RPS27A: variants seen among roughly 807,000 people sequenced by gnomAD.
RPS27A encodes the protein ubiquitin-ribosomal protein eS31 fusion protein.
A neutral mutation model predicts 18.9 loss-of-function variants in RPS27A; 1 was observed. That is an observed-to-expected ratio of 0.05 (90% CI 0.02 to 0.25). The LOEUF (loss-of-function observed/expected upper bound fraction) is 0.25, where lower values mean the gene tolerates loss of function less well. Among genes scored for constraint, RPS27A ranks in the 10% least tolerant of loss-of-function variants. The probability of loss-of-function intolerance (pLI) is 1.00; values close to 1 mark genes in which losing one functional copy is unlikely to be tolerated. For missense variants in RPS27A, 123 were observed against 187.4 expected (o/e 0.66, Z 2.01); for synonymous variants, 77 against 63.7 (o/e 1.21, Z -0.99).
At chr2:55,233,514 G>T in intron 3 of RPS27A, 97 bp downstream of exon 3, 2 of 852,184 alleles carry the variant, frequency 2.3e-6, no homozygotes. Flanking sequence ...GGGGGAAGGG[G>T]TCAGATTGAC....
intron 4 of RPS27A, chr2:55,234,573 A>G: frequency 1.8e-6 from 1 of 568,684 alleles, no homozygotes; most frequent in Non-Finnish European, 3.1e-6. Context: ...TAACTCCTAT[A>G]CTGATACTTG....
Position 55,232,856 on chromosome 2 carries a change from A to G in RPS27A, c.32A>G (p.Lys11Arg). 1 of 1,613,272 alleles carries G rather than the reference A, an allele frequency of 6.2e-7. No individual in the cohort carries two copies. Among genetic ancestry groups the G allele is most frequent in the Non-Finnish European group, 8.5e-7 (1 of 1,179,710 alleles). ...ATTTTCGTGAAAACCCTTACGGGGA[A>G]GACCATCACCCTCGAGGTACGGGCC... MQIFVKTLTG[K>R]TITLEVEPSD... is the part of the protein sequence containing the mutation. The change falls in exon 2 of 6, where the codon AAG becomes AGG. Residue 11 changes from lysine (K) to arginine (R), a missense_variant. Around this residue, in one of 2 missense-constraint regions of RPS27A, gnomAD observed 66 missense variants for 72.6 expected, o/e 0.91. Transcript: ENST00000272317.
chr2:55,233,279 G>A (rs1339831523), intron 2 of RPS27A, 84 bp from the exon 3 acceptor site: 11 of 1,174,720 alleles, frequency 9.4e-6, no homozygotes, highest in Middle Eastern at 1.9e-4. Flanking sequence ...CGCTGGTTCG[G>A]TTCAGTGGTA....
rs920692756 is a variant in RPS27A at position 55,235,186 on chromosome 2, T to A, written c.321+224T>A. 8.6e-6 allele frequency: 6 copies of A among 698,986 alleles called. No homozygotes were observed. The Admixed American group carries it at 1.1e-4, about 13-fold the overall frequency. 43.3% of individuals were successfully genotyped at this position (698,986 alleles called of 1,614,324 possible). On this transcript the variant is annotated intron_variant, in intron 5 of 5. Transcript: ENST00000272317. ...AGGGTTCTGAGTTTAAAGTCGGGTT[T>A]GGGTTCAGGTCTTTACCTTTGTCTA...
At chr2:55,233,802 G>A (rs773224799) in intron 3 of RPS27A, 19 of 478,618 alleles carry the variant, frequency 4.0e-5, no homozygotes, top group Non-Finnish European at 6.5e-5. Context: ...CTAATTTATT[G>A]TATTTTTAGT....
rs772829154 is a variant in RPS27A, at chr2:55,234,242, AATGTT to A, written c.189+41_189+45del. 4.1e-6 allele frequency: 6 copies of A among 1,464,722 alleles called. No individual in the cohort carries two copies. The Admixed American group carries it at 8.4e-5, about 20-fold the overall frequency. The allele number at this position is 1,464,722 out of a possible 1,614,324, so 90.7% of individuals were successfully genotyped here. Reference sequence around the variant, plus strand: ...GAAGAGCAGCCTCTTTTAAAAAAAAAATGTTATTTTGGAAATTTTTTATTTTACTT... The same window carrying A: ...GAAGAGCAGCCTCTTTTAAAAAAAAAATTTTGGAAATTTTTTATTTTACTT... On this transcript the variant is annotated intron_variant, in intron 4 of 5. Coordinates refer to ENST00000272317, the MANE Select transcript of RPS27A (RefSeq NM_002954.6).
chr2:55,235,625 T>C lies in RPS27A; in HGVS notation c.*48T>C. The C allele has an allele frequency of 6.3e-7, 1 of 1,590,996 alleles. No individual in the cohort carries two copies. The highest frequency in any genetic ancestry group is 8.5e-7 in the Non-Finnish European group (1 of 1,173,576). ...TGAACTAACATTTATTGTTGGGTTT[T>C]ATTGCAGTAAAAAGAATGGTTTTTA... On this transcript the variant is annotated 3_prime_UTR_variant, in exon 6 of 6. Transcript: ENST00000272317.
chr2:55,234,667 TA>T (rs1157993357), intron 4 of RPS27A, 163 bp from the exon 5 acceptor site: 2 of 776,778 alleles, frequency 2.6e-6, no homozygotes, highest in Non-Finnish European at 2.1e-6. Flanking sequence ...AATGTCCCTA[TA>T]AACTGTCAGT....
At position 55,232,819 on chromosome 2, in the gene RPS27A, A is replaced by C. The variant is rs754706035; in HGVS notation, c.-6A>C. 1.2e-6 allele frequency: 2 copies of C among 1,612,440 alleles called. No homozygotes were observed. Among genetic ancestry groups the C allele is most frequent in the African/African-American group, 1.3e-5 (1 of 75,006 alleles). On this transcript the variant is annotated 5_prime_UTR_variant, in exon 2 of 6. Coordinates refer to ENST00000272317, the MANE Select transcript of RPS27A (RefSeq NM_002954.6). The stretch of plus-strand genomic sequence containing the variant: ...TTCCTCAACCTCAGGTGGAGCCGCC[A>C]CCAAAATGCAGATTTTCGTGAAAAC...
chr2:55,235,718 C>A lies in RPS27A; in HGVS notation c.*141C>A. ...ACTGCTATCGCTGTGTGAATGTTGC[C>A]TCTGGGGATTATGTGACCCAGTGGT... On this transcript the variant is annotated 3_prime_UTR_variant, in exon 6 of 6. Coordinates refer to ENST00000272317, the MANE Select transcript of RPS27A (RefSeq NM_002954.6). The A allele has an allele frequency of 1.0e-6, 1 of 979,902 alleles. No individual in the cohort carries two copies. Among genetic ancestry groups the A allele is most frequent in the Non-Finnish European group, 1.6e-6 (1 of 640,468 alleles). The allele number at this position is 979,902 out of a possible 1,614,324, so 60.7% of individuals were successfully genotyped here.
chr2:55,232,962 C>A, intron 2 of RPS27A, 90 bp downstream of exon 2: 1 of 1,068,762 alleles, frequency 9.4e-7, no homozygotes. Context: ...TGTCTTAGAC[C>A]ATGATTCCGA....
At chr2:55,235,081 T>G in intron 5 of RPS27A, 119 bp downstream of exon 5, 2 of 1,084,106 alleles carry the variant, frequency 1.8e-6, no homozygotes, top group Non-Finnish European at 2.7e-6. Flanking sequence ...CCACTTTGGT[T>G]TAAATGAGGT....
chr2:55,232,414 C>T, upstream of RPS27A: 1 of 288,796 alleles, frequency 3.5e-6, no homozygotes, highest in Non-Finnish European at 6.8e-6. Context: ...CCTCGACCTC[C>T]TTTTAAAAAT....
rs893641808 is a variant in RPS27A, at chr2:55,235,241, A to G, written c.322-187A>G. On this transcript the variant is annotated intron_variant, in intron 5 of 5. Coordinates refer to ENST00000272317, the MANE Select transcript of RPS27A (RefSeq NM_002954.6). ...TTGCAAAGCTGGCCTTTAGTGTTCA[A>G]AAGTCCCAAGACTTCTGAATGTTTT... The G allele has an allele frequency of 4.0e-5, 31 of 766,004 alleles. No individual in the cohort carries two copies. In the East Asian group the frequency reaches 5.6e-4, roughly 14 times the overall value. The allele number at this position is 766,004 out of a possible 1,614,324, so 47.5% of individuals were successfully genotyped here.
At chr2:55,234,800 A>G in intron 4 of RPS27A, 31 bp from the exon 5 acceptor site, 2 of 1,611,562 alleles carry the variant, frequency 1.2e-6, no homozygotes, top group Non-Finnish European at 8.5e-7. Context: ...TAGTGGAATC[A>G]TGAAAGCTTG....
In RPS27A at chr2:55,235,196, T is replaced by C. The variant is rs906327651; in HGVS notation, c.322-232T>C. Reference sequence around the variant, plus strand: ...GTTTAAAGTCGGGTTTGGGTTCAGGTCTTTACCTTTGTCTACCACTTGCAA... The same window carrying C: ...GTTTAAAGTCGGGTTTGGGTTCAGGCCTTTACCTTTGTCTACCACTTGCAA... On this transcript the variant is annotated intron_variant, in intron 5 of 5. Coordinates refer to ENST00000272317, the MANE Select transcript of RPS27A (RefSeq NM_002954.6). 72 of 693,818 alleles carry C rather than the reference T, an allele frequency of 1.0e-4. No individual in the cohort carries two copies. In the East Asian group the frequency reaches 1.9e-3, roughly 18 times the overall value. 43.0% of individuals were successfully genotyped at this position (693,818 alleles called of 1,614,324 possible).
intron 3 of RPS27A, 95 bp downstream of exon 3, chr2:55,233,512 G>T (rs1208299348): frequency 5.8e-6 from 5 of 859,012 alleles, no homozygotes; most frequent in Non-Finnish European, 7.9e-6. Flanking sequence ...ATGGGGGAAG[G>T]GGTCAGATTG....
chr2:55,234,696 A>T (rs1337006123), intron 4 of RPS27A, 135 bp from the exon 5 acceptor site: 1 of 953,154 alleles, frequency 1.0e-6, no homozygotes, highest in Non-Finnish European at 1.6e-6. Context: ...CTGATACTTT[A>T]TTGGGTTTGG....
chr2:55,233,255 G>C, intron 2 of RPS27A, 108 bp from the exon 3 acceptor site: 7 of 939,482 alleles, frequency 7.5e-6, no homozygotes, highest in East Asian at 2.5e-5. Context: ...CTCTCGAGTA[G>C]GTCTCAGCCC....
Sources: gnomAD v4.1 joint callset for allele counts on GRCh38, gnomAD v4.1.1 for gene constraint, gnomAD v4.1.1 regional missense constraint, MANE v1.5 for transcripts, NCBI Gene and HGNC (gene_info 2026-07-23, HGNC 2026-07-21) for gene names.